YJEFN3: variants seen among roughly 807,000 people sequenced by gnomAD.
YJEFN3 encodes the protein yjeF N-terminal domain-containing protein 3.
A neutral mutation model predicts 31.5 loss-of-function variants in YJEFN3; 29 were observed. The observed-to-expected ratio is 0.92, with a 90% CI of 0.69 to 1.26. The LOEUF is 1.26. Ranked by LOEUF, YJEFN3 falls within the 50% of genes most tolerant of loss-of-function variation. The probability of loss-of-function intolerance (pLI) is 0.00; values close to 1 mark genes in which losing one functional copy is unlikely to be tolerated. For missense variants in YJEFN3, 442 were observed against 425.4 expected, an observed-to-expected ratio of 1.04 and a Z score of -0.34; for synonymous variants, 227 against 196.1, an observed-to-expected ratio of 1.16 and a Z score of -1.32.
At position 19,529,432 on chromosome 19, in the gene YJEFN3, C is replaced by G; in HGVS notation, c.128C>G (p.Ser43Cys). The change falls in exon 2 of 7, where the codon TCC becomes TGC. Residue 43 changes from serine to cysteine, a missense_variant. Physicochemically the swap from Ser to Cys is moderately radical, Grantham distance 112. Transcript: ENST00000514277. ...RAELSSNATT[S>C]LVQRRKQAWG... is the part of the protein sequence containing the mutation. ...GAGCTTAGCTCAAATGCTACCACCT[C>G]CCTTGTCCAGAGGAGGAAACAGGCC... The G allele has an allele frequency of 6.2e-7, 1 of 1,614,204 alleles. No individual in the cohort carries two copies. Among genetic ancestry groups the G allele is most frequent in the Non-Finnish European group, 8.5e-7 (1 of 1,180,028 alleles).
chr19:19,537,491 A>T lies in YJEFN3; in HGVS notation c.867A>T (p.Gly289=). 6.3e-7 allele frequency: 1 copy of T among 1,577,796 alleles called. No individual in the cohort carries two copies. Among genetic ancestry groups the T allele is most frequent in the Non-Finnish European group, 8.6e-7 (1 of 1,166,112 alleles). The change falls in exon 7 of 7, where the codon GGA becomes GGT. Residue 289 remains glycine, a synonymous_variant. Coordinates refer to ENST00000514277, the MANE Select transcript of YJEFN3 (RefSeq NM_198537.4). The stretch of plus-strand genomic sequence containing the variant: ...GCAAGTTCGCTCTGCGCCTGCCGGG[A>T]TACACGGGCACCGACTGCGTCGCGG... The part of the protein sequence containing the change: ...VRRKFALRLP[G]YTGTDCVAAL
rs764985160 is a variant in YJEFN3 at position 19,529,379 on chromosome 19, G to T, written c.75G>T (p.Gln25His). The T allele has an allele frequency of 6.1e-5, 99 of 1,612,904 alleles. No individual in the cohort carries two copies. Among genetic ancestry groups the T allele is most frequent in the Non-Finnish European group, 7.9e-5 (93 of 1,179,524 alleles). ...TCTCTCCCAGGGCCTTGGAGCTGCA[G>T]CCCCCACTTGCCGACATGGGAAGAG... ...ERHFLRALEL[Q>H]PPLADMGRAE... The change falls in exon 2 of 7, where the codon CAG (glutamine) becomes CAT (histidine). Residue 25 changes from glutamine (Q) to histidine (H), a missense_variant. Transcript: ENST00000514277.
At chr19:19,533,387 C>G in intron 3 of YJEFN3, 1 of 986,148 alleles carries the variant, frequency 1.0e-6, no homozygotes, top group Non-Finnish European at 1.2e-6. Context: ...ACAGTCGAGG[C>G]TCTAGCGTGA....
At chr19:19,536,921 G>T (rs2061214924) in intron 6 of YJEFN3, among the ~76,000 whole-genome samples, 1 of 152,202 alleles carries the variant, frequency 6.6e-6, no homozygotes, top group Admixed American at 6.5e-5. Flanking sequence ...AGTGAGCCGA[G>T]ATTGCACCAT....
rs948533318 is a variant in YJEFN3 at position 19,529,440 on chromosome 19, C to T, written c.136C>T (p.Gln46Ter). Reference sequence around the variant, plus strand: ...CTCAAATGCTACCACCTCCCTTGTCCAGAGGAGGAAACAGGCCTGGGGAAG... The same window carrying T: ...CTCAAATGCTACCACCTCCCTTGTCTAGAGGAGGAAACAGGCCTGGGGAAG... ...LSSNATTSLV[Q>*]RRKQAWGRQS... Residue 46 changes from glutamine to a stop codon, truncating the protein, a stop_gained, in exon 2 of 7, where the codon CAG (glutamine) becomes TAG (stop). Coordinates refer to ENST00000514277, the MANE Select transcript of YJEFN3 (RefSeq NM_198537.4). LOFTEE classifies it high-confidence loss of function. 3.1e-6 allele frequency: 5 copies of T among 1,614,020 alleles called. No individual in the cohort carries two copies. The Admixed American group carries it at 5.0e-5, about 16-fold the overall frequency.
chr19:19,536,247 C>T (rs1205770983), intron 6 of YJEFN3, among the ~76,000 whole-genome samples: 1 of 152,162 alleles, frequency 6.6e-6, no homozygotes, highest in East Asian at 1.9e-4. Context: ...TTAGGAACCT[C>T]TAGTCTGAGG....
chr19:19,529,162 G>A lies in YJEFN3; in HGVS notation c.59+171G>A, dbSNP rs941269583. 8.2e-6 allele frequency: 12 copies of A among 1,456,094 alleles called. No homozygotes were observed. The African/African-American group carries it at 1.3e-4, about 16-fold the overall frequency. 90.2% of individuals were successfully genotyped at this position (1,456,094 alleles called of 1,614,324 possible). A position where few individuals can be genotyped will look rare whatever the true frequency, so the allele number is the denominator to read the frequency against. On this transcript the variant is annotated intron_variant, in intron 1 of 6. Transcript: ENST00000514277. Reference sequence around the variant, plus strand: ...AGAGGCATGACCACGGTGGGGAACCGGAGGCAGGGATATGGCCAAGACGGG... The same window carrying A: ...AGAGGCATGACCACGGTGGGGAACCAGAGGCAGGGATATGGCCAAGACGGG...
At chr19:19,536,109 A>G (rs1042890603) in intron 6 of YJEFN3, 1 of 431,500 alleles carries the variant, frequency 2.3e-6, no homozygotes, top group Admixed American at 4.2e-5. Context: ...TCGGGATCCC[A>G]GGGACATCCC....
chr19:19,532,510 G>C, intron 2 of YJEFN3, 122 bp from the exon 3 acceptor site: 1 of 570,934 alleles, frequency 1.8e-6, no homozygotes, highest in South Asian at 2.5e-5. Flanking sequence ...GACGCTACTC[G>C]GGGGTACGGG....
intron 2 of YJEFN3, among the ~76,000 whole-genome samples, 154 bp from the exon 3 acceptor site, chr19:19,532,478 G>A (rs1157804328): frequency 1.3e-5 from 2 of 152,234 alleles, no homozygotes; most frequent in Non-Finnish European, 2.9e-5. Context: ...GAAACTGAGG[G>A]CATCCCCAGC....
rs1053674992 is a variant in YJEFN3 at position 19,533,696 on chromosome 19, T to C, written c.318+956T>C. The C allele has an allele frequency of 4.0e-5, 39 of 985,322 alleles. No individual in the cohort carries two copies. The African/African-American group carries it at 6.8e-4, about 17-fold the overall frequency. 61.0% of individuals were successfully genotyped at this position (985,322 alleles called of 1,614,324 possible). On this transcript the variant is annotated intron_variant, in intron 3 of 6. Transcript: ENST00000514277. Reference sequence around the variant, plus strand: ...GTATACTTTTTAAAAACTCAATGTTTTTCTTCATGTGGACTTAAATGTTTG... The same window carrying C: ...GTATACTTTTTAAAAACTCAATGTTCTTCTTCATGTGGACTTAAATGTTTG...
chr19:19,530,147 C>T (rs528115084), intron 2 of YJEFN3, among the ~76,000 whole-genome samples: 25 of 152,168 alleles, frequency 1.6e-4, no homozygotes, highest in Non-Finnish European at 3.5e-4. Context: ...AAAGCCCCCT[C>T]CTGGAAGCAT....
chr19:19,529,977 A>C (rs1703792522), intron 2 of YJEFN3, among the ~76,000 whole-genome samples: 1 of 152,150 alleles, frequency 6.6e-6, no homozygotes, highest in Non-Finnish European at 1.5e-5. Context: ...AAGCCCCCCC[A>C]GGCTCATGTT....
intron 1 of YJEFN3, 151 bp downstream of exon 1, chr19:19,529,142 C>G: frequency 6.8e-7 from 1 of 1,467,182 alleles, no homozygotes; most frequent in Non-Finnish European, 9.0e-7. Flanking sequence ...ACGGCAGAGG[C>G]ATGACCACGG....
At chr19:19,529,901 C>G (rs1325396771) in intron 2 of YJEFN3, among the ~76,000 whole-genome samples, 1 of 152,168 alleles carries the variant, frequency 6.6e-6, no homozygotes, top group Non-Finnish European at 1.5e-5. Context: ...TTGAATGTTC[C>G]CAGAGCCCTC....
intron 3 of YJEFN3, chr19:19,533,510 C>T: frequency 5.0e-6 from 4 of 805,318 alleles, no homozygotes; most frequent in Non-Finnish European, 6.0e-6. Flanking sequence ...CTCCTCCTCC[C>T]CTTCCGCCCC....
intron 2 of YJEFN3, among the ~76,000 whole-genome samples, chr19:19,530,363 T>G: frequency 6.6e-6 from 1 of 151,680 alleles, no homozygotes; most frequent in Non-Finnish European, 1.5e-5. Flanking sequence ...AGGCTCCAAT[T>G]CCCACGCAGC....
chr19:19,535,564 G>A lies in YJEFN3; in HGVS notation c.579G>A (p.Val193=), dbSNP rs2061200774. 6.3e-7 allele frequency: 1 copy of A among 1,590,554 alleles called. No homozygotes were observed. Among genetic ancestry groups the A allele is most frequent in the East Asian group, 2.2e-5 (1 of 44,630 alleles). The change falls in exon 6 of 7, where the codon GTG becomes GTA. Residue 193 remains valine, a synonymous_variant. Coordinates refer to ENST00000514277, the MANE Select transcript of YJEFN3 (RefSeq NM_198537.4). ...QLINEAYGLV[V]DAVLGPGVEP... is the part of the protein sequence containing the mutation. Reference sequence around the variant, plus strand: ...TTAACGAAGCCTATGGGCTGGTGGTGGATGCCGTACTGGGCCCCGGCGTGG... The same window carrying A: ...TTAACGAAGCCTATGGGCTGGTGGTAGATGCCGTACTGGGCCCCGGCGTGG...
At chr19:19,536,022 G>C (rs954527509) in intron 6 of YJEFN3, 16 of 531,628 alleles carry the variant, frequency 3.0e-5, no homozygotes, top group African/African-American at 3.0e-4. Context: ...TAGGCGACAG[G>C]CAGACGGAAC....
Sources: gnomAD v4.1 joint callset for allele counts (sites outside exome capture counted in the v4.1 genomes callset) on GRCh38, gnomAD v4.1.1 for gene constraint, MANE v1.5 for transcripts, NCBI Gene and HGNC (gene_info 2026-07-23, HGNC 2026-07-21) for gene names.